RIC8B: variants seen among roughly 807,000 people sequenced by gnomAD.
RIC8B encodes RIC8 guanine nucleotide exchange factor B, also known as chaperone Ric-8B.
In RIC8B, 16 loss-of-function variants were observed where a neutral mutation model predicts 57.5. The observed-to-expected ratio is 0.28, with a 90% CI of 0.19 to 0.42. RIC8B has a LOEUF of 0.42. Ranked by LOEUF, RIC8B falls within the 10% of genes least tolerant of loss-of-function variation. The probability of loss-of-function intolerance (pLI) is 1.00; values close to 1 mark genes in which losing one functional copy is unlikely to be tolerated. For missense variants in RIC8B, 481 were observed against 677.0 expected (o/e 0.71, Z 3.21); for synonymous variants, 216 against 250.8 (o/e 0.86, Z 1.31).
intron 1 of RIC8B, among the ~76,000 whole-genome samples, chr12:106,782,212 T>TC (rs2136157139): frequency 6.6e-6 from 1 of 152,360 alleles, no homozygotes; most frequent in Admixed American, 6.5e-5. Flanking sequence ...TCGCTTTTTT[T>TC]CTTCCACTAT....
rs371112600 is a variant in RIC8B, at chr12:106,837,399, C to T, written c.837-5190C>T. ...GTATAACCCATACATACTAGTTTACCCTCATGGGTTATTCCCCCAGAGCAC... is the reference window on the plus strand; with the variant it reads ...GTATAACCCATACATACTAGTTTACTCTCATGGGTTATTCCCCCAGAGCAC... On this transcript the variant is annotated intron_variant, in intron 4 of 9. Coordinates refer to ENST00000392837, the MANE Select transcript of RIC8B (RefSeq NM_001330145.2). 5.1e-4 allele frequency among the ~76,000 whole-genome samples: 78 copies of T among 152,054 alleles called. 2 individuals carry two copies. The South Asian group carries it at 0.016, about 31-fold the overall frequency.
At chr12:106,827,602 A>G (rs1002738085) in intron 4 of RIC8B, among the ~76,000 whole-genome samples, 1 of 152,220 alleles carries the variant, frequency 6.6e-6, no homozygotes, top group African/African-American at 2.4e-5. Context: ...CAGCCTGTCA[A>G]AAGACTGTTT....
chr12:106,868,390 C>T (rs139045790), intron 8 of RIC8B: 97 of 454,160 alleles, frequency 2.1e-4, no homozygotes, highest in African/African-American at 1.6e-3. Flanking sequence ...CTTATACTTT[C>T]TTCTAAGGCC....
At chr12:106,786,643 G>C (rs941096008) in intron 2 of RIC8B, among the ~76,000 whole-genome samples, 2 of 152,126 alleles carry the variant, frequency 1.3e-5, no homozygotes, top group African/African-American at 4.8e-5. Context: ...AGTAAGCAAA[G>C]TTATTCACTG....
intron 4 of RIC8B, 129 bp from the exon 5 acceptor site, chr12:106,842,460 T>C: frequency 1.5e-6 from 1 of 668,194 alleles, no homozygotes; most frequent in Non-Finnish European, 2.5e-6. Flanking sequence ...GTGTCCATAA[T>C]GGCTCATTTT....
intron 9 of RIC8B, among the ~76,000 whole-genome samples, chr12:106,883,812 T>A (rs552591753): frequency 6.6e-6 from 1 of 152,084 alleles, no homozygotes; most frequent in African/African-American, 2.4e-5. Context: ...AATCAAACAC[T>A]CTTTATAGGG....
chr12:106,800,730 AC>A (rs756401765), intron 2 of RIC8B, among the ~76,000 whole-genome samples: 5 of 152,184 alleles, frequency 3.3e-5, no homozygotes, highest in Non-Finnish European at 5.9e-5. Context: ...AGATAGAGGA[AC>A]TAGTTCAGAG....
chr12:106,860,435 A>G (rs1949882823), intron 8 of RIC8B, 23 bp downstream of exon 8: 3 of 1,504,664 alleles, frequency 2.0e-6, no homozygotes, highest in Non-Finnish European at 2.7e-6. Context: ...ATTTCTTTTC[A>G]CCTAACTATG....
chr12:106,856,100 T>G (rs1172587702), intron 7 of RIC8B, among the ~76,000 whole-genome samples: 2 of 152,304 alleles, frequency 1.3e-5, no homozygotes, highest in South Asian at 2.1e-4. Context: ...TTTTACCTCC[T>G]GTTAAATATC....
intron 9 of RIC8B, among the ~76,000 whole-genome samples, chr12:106,878,109 G>A (rs1256110636): frequency 6.6e-6 from 1 of 152,068 alleles, no homozygotes; most frequent in Non-Finnish European, 1.5e-5. Context: ...TCCTTTCAAA[G>A]ATGTAGCCTA....
At chr12:106,815,813 A>G (rs2045550483) in intron 3 of RIC8B, among the ~76,000 whole-genome samples, 1 of 152,174 alleles carries the variant, frequency 6.6e-6, no homozygotes, top group African/African-American at 2.4e-5. Context: ...GTGTTAGATA[A>G]CTATCAGAGG....
intron 9 of RIC8B, among the ~76,000 whole-genome samples, chr12:106,880,596 C>T (rs939942218): frequency 4.6e-5 from 7 of 152,008 alleles, no homozygotes; most frequent in African/African-American, 1.7e-4. Context: ...GTTGGGAATT[C>T]CAGGCTGTCT....
At position 106,813,336 on chromosome 12, in the gene RIC8B, A is replaced by T. The variant is rs533228232; in HGVS notation, c.133-1360A>T. On this transcript the variant is annotated intron_variant, in intron 2 of 9. Transcript: ENST00000392837. ...CTCCCGAGTAGCTGAGATTACAGGCACGTGCCACCATGCCCAGCTAATTTT... is the reference window on the plus strand; with the variant it reads ...CTCCCGAGTAGCTGAGATTACAGGCTCGTGCCACCATGCCCAGCTAATTTT... Among the ~76,000 whole-genome samples the T allele has an allele frequency of 1.8e-4, 27 of 151,932 alleles. No homozygotes were observed. The South Asian group carries it at 5.6e-3, about 32-fold the overall frequency.
rs75006116 is a variant in RIC8B, at chr12:106,886,316, A to G, written c.*301A>G. The G allele has an allele frequency of 3.6e-3, 902 of 252,000 alleles. 9 individuals are homozygous for G. Among genetic ancestry groups the G allele is most frequent in the African/African-American group, 0.018 (817 of 44,924 alleles). The allele number at this position is 252,000 out of a possible 1,614,324, so 15.6% of individuals were successfully genotyped here. A position where few individuals can be genotyped will look rare whatever the true frequency, so the allele number is the denominator to read the frequency against. On this transcript the variant is annotated 3_prime_UTR_variant, in exon 10 of 10. Transcript: ENST00000392837. ...AAAGCGGCCCTGGTTGAATCTGGCA[A>G]TTCTTTTTGCCAAGATCCCTAGCAG...
At chr12:106,800,421 G>A (rs995463665) in intron 2 of RIC8B, among the ~76,000 whole-genome samples, 38 of 152,026 alleles carry the variant, frequency 2.5e-4, no homozygotes, top group African/African-American at 7.5e-4. Context: ...ACTCAGGACA[G>A]TACCAAGGGG....
chr12:106,876,767 A>C (rs560808167), intron 9 of RIC8B, among the ~76,000 whole-genome samples: 2 of 152,208 alleles, frequency 1.3e-5, no homozygotes, highest in Admixed American at 6.5e-5. Flanking sequence ...TCAAATAAGA[A>C]TCATCTCCAC....
chr12:106,863,639 A>T (rs1950026348), intron 8 of RIC8B, among the ~76,000 whole-genome samples: 1 of 152,084 alleles, frequency 6.6e-6, no homozygotes, highest in Non-Finnish European at 1.5e-5. Context: ...GGCTGTGATG[A>T]TGTATTTATG....
chr12:106,783,913 A>G (rs928263445), intron 1 of RIC8B, 84 bp from the exon 2 acceptor site: 2 of 1,237,802 alleles, frequency 1.6e-6, no homozygotes, highest in Non-Finnish European at 2.3e-6. Context: ...TTACAGGGAC[A>G]TTATTTTAGA....
At chr12:106,805,776 A>C (rs2044985665) in intron 2 of RIC8B, among the ~76,000 whole-genome samples, 1 of 152,114 alleles carries the variant, frequency 6.6e-6, no homozygotes, top group Admixed American at 6.5e-5. Context: ...ATAAACGTGG[A>C]CTAGTATATT....
Sources: gnomAD v4.1 joint callset for allele counts (sites outside exome capture counted in the v4.1 genomes callset) on GRCh38, gnomAD v4.1.1 for gene constraint, MANE v1.5 for transcripts, NCBI Gene and HGNC (gene_info 2026-07-23, HGNC 2026-07-21) for gene names.